Variants in PAK4 observed in about 807,000 individuals in gnomAD.
PAK4 encodes serine/threonine-protein kinase PAK 4.
A neutral mutation model predicts 53.5 loss-of-function variants in PAK4; 49 were observed. The observed-to-expected ratio is 0.92, with a 90% CI of 0.73 to 1.16. The LOEUF is 1.16. Ranked by LOEUF, PAK4 falls within the 50% of genes most tolerant of loss-of-function variation. The pLI, the probability that PAK4 is intolerant of heterozygous loss-of-function variation, is 0.00. For synonymous variants in PAK4, 376 were observed against 375.6 expected (o/e 1.00, Z -0.01); for missense variants, 824 against 850.7 (o/e 0.97, Z 0.39).
chr19:39,155,278 T>G (rs115434406), intron 1 of PAK4, among the ~76,000 whole-genome samples: 61 of 152,244 alleles, frequency 4.0e-4, no homozygotes, highest in Non-Finnish European at 5.9e-4. Context: ...AGTGCTGAAC[T>G]ATCAGGGCCT....
At chr19:39,142,953 A>G (rs1380757749) in intron 1 of PAK4, among the ~76,000 whole-genome samples, 3 of 151,784 alleles carry the variant, frequency 2.0e-5, no homozygotes. Flanking sequence ...CCTTCCAGCC[A>G]CTCGGATTCC....
intron 1 of PAK4, among the ~76,000 whole-genome samples, chr19:39,142,065 C>T (rs1019317534): frequency 5.9e-5 from 9 of 152,154 alleles, no homozygotes; most frequent in African/African-American, 2.2e-4. Flanking sequence ...CAGCCTTGAC[C>T]TCCCCTGCTC....
At chr19:39,142,039 G>A (rs534803248) in intron 1 of PAK4, among the ~76,000 whole-genome samples, 7 of 152,164 alleles carry the variant, frequency 4.6e-5, no homozygotes, top group African/African-American at 1.7e-4. Flanking sequence ...GCAGTGGAGC[G>A]ATCAGAGCTC....
intron 4 of PAK4, 93 bp from the exon 6 acceptor site, chr19:39,174,838 G>T: frequency 1.4e-6 from 2 of 1,466,410 alleles, no homozygotes; most frequent in East Asian, 2.3e-5. Context: ...GCTTAATGTG[G>T]AACTGCAGGG....
At chr19:39,137,077 T>G (rs947415419) in intron 1 of PAK4, among the ~76,000 whole-genome samples, 1 of 152,220 alleles carries the variant, frequency 6.6e-6, no homozygotes, top group Non-Finnish European at 1.5e-5. Context: ...GGTGGCTGCT[T>G]CAGGTGTTCC....
intron 1 of PAK4, among the ~76,000 whole-genome samples, chr19:39,131,364 C>T (rs2145100189): frequency 6.6e-6 from 1 of 152,298 alleles, no homozygotes; most frequent in Non-Finnish European, 1.5e-5. Flanking sequence ...CCTTTCTCAT[C>T]TACTCCTCGT....
chr19:39,139,744 C>T (rs559406494), intron 1 of PAK4, among the ~76,000 whole-genome samples: 11 of 152,306 alleles, frequency 7.2e-5, no homozygotes, highest in Admixed American at 2.0e-4. Context: ...CTTAGGGTCA[C>T]CCGGGGTGGG....
At chr19:39,150,257 C>G (rs1203087897) in intron 1 of PAK4, among the ~76,000 whole-genome samples, 1 of 152,020 alleles carries the variant, frequency 6.6e-6, no homozygotes, top group African/African-American at 2.4e-5. Flanking sequence ...GGCTTCCTCT[C>G]TCTTTTCTCT....
intron 1 of PAK4, among the ~76,000 whole-genome samples, chr19:39,151,380 G>A (rs945385346): frequency 6.6e-6 from 1 of 152,256 alleles, no homozygotes; most frequent in Non-Finnish European, 1.5e-5. Flanking sequence ...CTGCAAGGCC[G>A]AGGGGAGATA....
chr19:39,173,601 A>G lies in PAK4; in HGVS notation c.689A>G (p.Asn230Ser). The G allele has an allele frequency of 5.2e-5, 79 of 1,528,714 alleles. No individual in the cohort carries two copies. The highest frequency in any genetic ancestry group is 6.9e-5 in the Non-Finnish European group (79 of 1,140,486). 94.7% of individuals were successfully genotyped at this position (1,528,714 alleles called of 1,614,324 possible). The change falls in exon 4 of 9, where the codon AAC becomes AGC. Residue 230 changes from asparagine (N) to serine (S), a missense_variant. Around this residue, in one of 2 missense-constraint regions of PAK4, gnomAD observed 478 missense variants for 435.8 expected, o/e 1.10. Transcript: ENST00000358301. The surrounding 1 kb of genome is among the most constrained non-coding windows in gnomAD (Gnocchi z 6.9). ...GGGGAGCCTCATGACGTGGCCCCTA[A>G]CGGGCCATCAGCGGGGGGCCTGGCC...
intron 1 of PAK4, among the ~76,000 whole-genome samples, chr19:39,144,807 T>C (rs765038482): frequency 6.6e-6 from 1 of 152,076 alleles, no homozygotes; most frequent in Non-Finnish European, 1.5e-5. Flanking sequence ...CTTGTGCTCA[T>C]TGTAAAGAGA....
chr19:39,173,184 G>A lies in PAK4; in HGVS notation c.471G>A (p.Glu157=), dbSNP rs1191010442. 4.5e-6 allele frequency: 7 copies of A among 1,543,874 alleles called. No homozygotes were observed. The highest frequency in any genetic ancestry group is 6.1e-6 in the Non-Finnish European group (7 of 1,142,444). The stretch of plus-strand genomic sequence containing the variant: ...GTGACAGGCGACGGGCGGGGCCAGA[G>A]AAGAGGCCCAAGTCTTCCAGGGAGG... Residue 157 remains glutamate, a synonymous_variant, in exon 3 of 9, where the codon GAG becomes GAA. Transcript: ENST00000358301. This position sits in a 1 kb window ranked among gnomAD's most constrained non-coding sequence, Gnocchi z 6.9.
At chr19:39,154,371 T>A (rs563031355) in intron 1 of PAK4, among the ~76,000 whole-genome samples, 1 of 152,248 alleles carries the variant, frequency 6.6e-6, no homozygotes, top group South Asian at 2.1e-4. Flanking sequence ...ATTTCTCTTG[T>A]TTTTTTAAAA....
intron 1 of PAK4, among the ~76,000 whole-genome samples, chr19:39,148,810 T>C (rs2074049033): frequency 6.6e-6 from 1 of 152,050 alleles, no homozygotes; most frequent in Admixed American, 6.6e-5. Context: ...CTGTGATCCA[T>C]TATGAGTTAA....
intron 1 of PAK4, among the ~76,000 whole-genome samples, chr19:39,165,195 GATAATAATA>G (rs71169565): frequency 7.8e-6 from 1 of 128,434 alleles, no homozygotes; most frequent in South Asian, 2.7e-4. Context: ...TGATGATGAT[GATAATAATA>G]ATAATAATAA....
At chr19:39,147,833 G>T (rs56017366) in intron 1 of PAK4, among the ~76,000 whole-genome samples, 218 of 53,288 alleles carry the variant, frequency 4.1e-3, no homozygotes, top group Middle Eastern at 9.8e-3. Context: ...TGGATTGTTT[G>T]TTTTCGGGTT....
chr19:39,167,191 C>T (rs2074390937), intron 1 of PAK4, among the ~76,000 whole-genome samples: 2 of 152,196 alleles, frequency 1.3e-5, no homozygotes, highest in Non-Finnish European at 1.5e-5. Flanking sequence ...CTTCCCGTGG[C>T]TCTGGGAACT....
intron 1 of PAK4, among the ~76,000 whole-genome samples, chr19:39,146,029 C>T (rs2073993633): frequency 6.6e-6 from 1 of 152,226 alleles, no homozygotes; most frequent in Non-Finnish European, 1.5e-5. Flanking sequence ...TTATTTCATC[C>T]ATGCAAAGCC....
At chr19:39,132,563 G>C (rs964771300) in intron 1 of PAK4, among the ~76,000 whole-genome samples, 6 of 152,268 alleles carry the variant, frequency 3.9e-5, no homozygotes, top group Non-Finnish European at 8.8e-5. Context: ...GGACAGCACA[G>C]CCATTCTGTG....
Sources: allele counts gnomAD v4.1 joint callset (sites outside exome capture counted in the v4.1 genomes callset), GRCh38; gene constraint gnomAD v4.1.1; regional missense constraint gnomAD v4.1.1; non-coding constraint Gnocchi (gnomAD v3.1); transcripts MANE v1.5; gene names NCBI Gene and HGNC (gene_info 2026-07-23, HGNC 2026-07-21).